The following GNG4 variants were observed in gnomAD, a reference collection of about 807,000 sequenced individuals.
The protein encoded by GNG4 is G protein subunit gamma 4, also known as guanine nucleotide-binding protein G(I)/G(S)/G(O) subunit gamma-4.
Under a neutral mutation model 5.8 loss-of-function variants are expected in GNG4, and 4 were observed. That is an observed-to-expected ratio of 0.69 (90% CI 0.34 to 1.57). The LOEUF is 1.57. GNG4 is among the 40% of genes most tolerant of loss of function. The pLI is 0.06. For synonymous variants in GNG4, 29 were observed against 32.9 expected, an observed-to-expected ratio of 0.88 and a Z score of 0.41; for missense variants, 96 against 95.1, an observed-to-expected ratio of 1.01 and a Z score of -0.04.
At chr1:235,571,446 C>G (rs986996145) in intron 3 of GNG4, among the ~76,000 whole-genome samples, 3 of 152,190 alleles carry the variant, frequency 2.0e-5, no homozygotes, top group Non-Finnish European at 4.4e-5. Context: ...TTTAATGTGA[C>G]TTGTTCAGAA....
intron 3 of GNG4, among the ~76,000 whole-genome samples, chr1:235,579,419 A>AAAACC (rs1553366443): frequency 6.7e-6 from 1 of 149,540 alleles, no homozygotes; most frequent in East Asian, 2.0e-4. Flanking sequence ...TAAAAAAAAA[A>AAAACC]AAGTAAATAC....
chr1:235,565,298 C>T (rs375104109), intron 3 of GNG4, among the ~76,000 whole-genome samples: 3 of 151,968 alleles, frequency 2.0e-5, no homozygotes, highest in African/African-American at 4.8e-5. Flanking sequence ...GTCAGGAGTT[C>T]GAAACCAGCC....
At chr1:235,556,826 T>G (rs564966046) in intron 3 of GNG4, among the ~76,000 whole-genome samples, 2 of 152,068 alleles carry the variant, frequency 1.3e-5, no homozygotes, top group East Asian at 1.9e-4. Flanking sequence ...CTGAGCTTGT[T>G]TTTCTGCAAC....
At chr1:235,561,123 C>T (rs1687050367) in intron 3 of GNG4, among the ~76,000 whole-genome samples, 1 of 152,208 alleles carries the variant, frequency 6.6e-6, no homozygotes, top group Non-Finnish European at 1.5e-5. Flanking sequence ...CATTCTCCTG[C>T]CTCAGCCTCC....
At chr1:235,609,451 T>C (rs900868904) in intron 1 of GNG4, among the ~76,000 whole-genome samples, 18 of 152,154 alleles carry the variant, frequency 1.2e-4, no homozygotes, top group African/African-American at 4.3e-4. Context: ...GGGTGTGAAG[T>C]GGTACCCTCT....
chr1:235,644,025 CGA>C lies in GNG4; in HGVS notation c.-123+5635_-123+5636del. On this transcript the variant is annotated intron_variant, in intron 1 of 3. Coordinates refer to ENST00000391854, the MANE Select transcript of GNG4 (RefSeq NM_001098722.2). The surrounding 1 kb of genome is among the most constrained non-coding windows in gnomAD (Gnocchi z 5.9). ...CGGAGCACACACAGAAAGATCTGCC[CGA>C]GAGAGTCCCCAAAAGGCACAATTCT... Among the ~76,000 whole-genome samples the C allele has an allele frequency of 6.6e-6, 1 of 152,240 alleles. No individual in the cohort carries two copies. The highest frequency in any genetic ancestry group is 2.1e-4 in the South Asian group (1 of 4,818).
At chr1:235,576,015 C>T (rs967097678) in intron 3 of GNG4, among the ~76,000 whole-genome samples, 4 of 151,988 alleles carry the variant, frequency 2.6e-5, no homozygotes, top group East Asian at 1.9e-4. Flanking sequence ...CTGCCATAAC[C>T]GCTTGTCGGA....
At chr1:235,596,001 C>T (rs1688113376) in intron 1 of GNG4, among the ~76,000 whole-genome samples, 1 of 150,942 alleles carries the variant, frequency 6.6e-6, no homozygotes, top group African/African-American at 2.4e-5. Flanking sequence ...GGTGAAACCC[C>T]GTCTCCACTA....
intron 1 of GNG4, among the ~76,000 whole-genome samples, chr1:235,611,502 C>T (rs1311551589): frequency 6.6e-6 from 1 of 152,058 alleles, no homozygotes; most frequent in Non-Finnish European, 1.5e-5. Flanking sequence ...TATGTAGTGC[C>T]CAGCACCAGC....
In GNG4 at chr1:235,629,942, C is replaced by A. The variant is rs7551331; in HGVS notation, c.-123+19720G>T. Among the ~76,000 whole-genome samples the A allele has an allele frequency of 6.4e-3, 969 of 152,308 alleles. 8 individuals carry two copies. The highest frequency in any genetic ancestry group is 0.02 in the African/African-American group (844 of 41,570). On this transcript the variant is annotated intron_variant, in intron 1 of 3. Coordinates refer to ENST00000391854, the MANE Select transcript of GNG4 (RefSeq NM_001098722.2). ...ACCTTGGTCCCTGGACCTGAGCACT[C>A]CCCTTCATTTCTATGACACTTCTGG...
intron 3 of GNG4, among the ~76,000 whole-genome samples, chr1:235,556,979 G>T (rs1402527230): frequency 6.6e-6 from 1 of 152,024 alleles, no homozygotes; most frequent in Non-Finnish European, 1.5e-5. Flanking sequence ...TGCCGCTGCT[G>T]ATCTCACAGG....
intron 1 of GNG4, chr1:235,615,066 T>TGG (rs1239032826): frequency 1.3e-5 from 2 of 152,248 alleles, no homozygotes; most frequent in Admixed American, 6.5e-5. Context: ...CGCACCTCTG[T>TGG]GGACCAGGAG....
intron 3 of GNG4, among the ~76,000 whole-genome samples, chr1:235,575,907 C>T (rs868563017): frequency 1.1e-4 from 16 of 152,170 alleles, no homozygotes; most frequent in Non-Finnish European, 2.1e-4. Context: ...CTTGGGAGAA[C>T]GCCTTCTCAG....
chr1:235,642,022 T>C lies in GNG4; in HGVS notation c.-123+7640A>G, dbSNP rs149979309. 1.2e-3 allele frequency among the ~76,000 whole-genome samples: 181 copies of C among 152,354 alleles called. 2 individuals are homozygous for C. The highest frequency in any genetic ancestry group is 9.3e-3 in the South Asian group (45 of 4,828). On this transcript the variant is annotated intron_variant, in intron 1 of 3. Coordinates refer to ENST00000391854, the MANE Select transcript of GNG4 (RefSeq NM_001098722.2). The surrounding 1 kb of genome is among the most constrained non-coding windows in gnomAD (Gnocchi z 4.3). Reference sequence around the variant, plus strand: ...TTCCATGAGGGCGGGGATTTTTCGCTTCCCCCGCAACTGCCTGCGTTTTCG... The same window carrying C: ...TTCCATGAGGGCGGGGATTTTTCGCCTCCCCCGCAACTGCCTGCGTTTTCG...
Position 235,570,860 on chromosome 1 carries a change from A to ATG in GNG4, c.99+12879_99+12880insCA, listed in dbSNP as rs756211268. 6.4e-3 allele frequency among the ~76,000 whole-genome samples: 591 copies of ATG among 92,006 alleles called. 7 individuals are homozygous for ATG. Among genetic ancestry groups the ATG allele is most frequent in the African/African-American group, 0.024 (551 of 22,508 alleles). 60.4% of individuals were successfully genotyped at this position (92,006 alleles called of 152,430 possible). ...ACCATATCCAGCTAATTATATATAT[A>ATG]TATGTGTGTGTGTGTGTGTGTATAT... On this transcript the variant is annotated intron_variant, in intron 3 of 3. Transcript: ENST00000391854.
intron 1 of GNG4, among the ~76,000 whole-genome samples, chr1:235,602,588 A>G (rs1688280165): frequency 1.3e-5 from 2 of 152,166 alleles, no homozygotes; most frequent in Admixed American, 1.3e-4. Flanking sequence ...AGTATACTGG[A>G]TGGCTGCCTT....
intron 2 of GNG4, among the ~76,000 whole-genome samples, chr1:235,593,727 T>C (rs888724039): frequency 3.3e-5 from 5 of 151,980 alleles, no homozygotes; most frequent in Admixed American, 6.6e-5. Flanking sequence ...TCACGGTGAG[T>C]GTTACAGCTC....
intron 3 of GNG4, among the ~76,000 whole-genome samples, chr1:235,577,442 T>C (rs576446695): frequency 2.0e-5 from 3 of 152,018 alleles, no homozygotes; most frequent in Non-Finnish European, 4.4e-5. Flanking sequence ...TCTCAGTGTT[T>C]TCTTTTTTTT....
Position 235,549,874 on chromosome 1 carries a change from C to T in GNG4, c.*2235G>A, listed in dbSNP as rs1336665785. The T allele has an allele frequency of 1.3e-5, 2 of 152,154 alleles. No homozygotes were observed. The highest frequency in any genetic ancestry group is 2.9e-5 in the Non-Finnish European group (2 of 68,026). 9.4% of individuals were successfully genotyped at this position (152,154 alleles called of 1,614,324 possible). Reference sequence around the variant, plus strand: ...CTATATTATACCACGGCATTTAGTACATTTATTTGTTTTAAATGATAATCA... The same window carrying T: ...CTATATTATACCACGGCATTTAGTATATTTATTTGTTTTAAATGATAATCA... On this transcript the variant is annotated 3_prime_UTR_variant, in exon 4 of 4. Transcript: ENST00000391854.
Sources: allele counts gnomAD v4.1 joint callset (sites outside exome capture counted in the v4.1 genomes callset), GRCh38; gene constraint gnomAD v4.1.1; non-coding constraint Gnocchi (gnomAD v3.1); transcripts MANE v1.5; gene names NCBI Gene and HGNC (gene_info 2026-07-23, HGNC 2026-07-21).